The following AGTPBP1 variants were observed in gnomAD, a reference collection of about 807,000 sequenced individuals.
AGTPBP1 encodes the protein cytosolic carboxypeptidase 1.
A neutral mutation model predicts 143.9 loss-of-function variants in AGTPBP1; 70 were observed. The observed-to-expected ratio is 0.49, with a 90% CI of 0.40 to 0.59. AGTPBP1 has a LOEUF of 0.59. Ranked by LOEUF, AGTPBP1 falls within the 20% of genes least tolerant of loss-of-function variation. The pLI is 0.00. For missense variants in AGTPBP1, 1,229 were observed against 1,464.5 expected (o/e 0.84, Z 2.62); for synonymous variants, 463 against 500.2 (o/e 0.93, Z 0.99).
intron 7 of AGTPBP1, among the ~76,000 whole-genome samples, chr9:85,670,437 A>G (rs1834413484): frequency 6.6e-6 from 1 of 152,216 alleles, no homozygotes; most frequent in Non-Finnish European, 1.5e-5. Context: ...GTAACAGGTA[A>G]TGAGGACTTT....
intron 25 of AGTPBP1, among the ~76,000 whole-genome samples, chr9:85,552,795 T>C (rs1386274813): frequency 6.6e-6 from 1 of 152,224 alleles, no homozygotes; most frequent in Non-Finnish European, 1.5e-5. Context: ...AACCCTCCTT[T>C]AACTCTGAAC....
the AGTPBP1 span, among the ~76,000 whole-genome samples, chr9:85,773,443 C>T: frequency 6.8e-6 from 1 of 147,662 alleles, no homozygotes; most frequent in Non-Finnish European, 1.5e-5. Flanking sequence ...AAGCCATTCG[C>T]CTGCTTCAGC....
At chr9:85,582,183 G>A (rs1828309293) in intron 23 of AGTPBP1, among the ~76,000 whole-genome samples, 3 of 152,118 alleles carry the variant, frequency 2.0e-5, no homozygotes, top group Admixed American at 2.0e-4. Context: ...AAAAAAATTA[G>A]AATTGATGCA....
At chr9:85,803,009 T>C in the AGTPBP1 span, among the ~76,000 whole-genome samples, 1 of 152,250 alleles carries the variant, frequency 6.6e-6, no homozygotes, top group East Asian at 1.9e-4. Flanking sequence ...GACTAAATTA[T>C]GATGGACAAT....
intron 23 of AGTPBP1, among the ~76,000 whole-genome samples, chr9:85,579,561 T>C (rs1428223713): frequency 6.8e-6 from 1 of 148,134 alleles, no homozygotes; most frequent in Non-Finnish European, 1.5e-5. Flanking sequence ...AGCATAAATA[T>C]AGAAGTATAC....
At chr9:85,629,248 T>A (rs1465997513) in intron 14 of AGTPBP1, among the ~76,000 whole-genome samples, 1 of 152,216 alleles carries the variant, frequency 6.6e-6, no homozygotes, top group East Asian at 1.9e-4. Flanking sequence ...GAATGTCAAT[T>A]ACTTCAGGAA....
At chr9:85,696,540 C>T (rs1047954155) in intron 2 of AGTPBP1, among the ~76,000 whole-genome samples, 1 of 151,740 alleles carries the variant, frequency 6.6e-6, no homozygotes, top group South Asian at 2.1e-4. Flanking sequence ...TAGTGGCGCA[C>T]ATCTGTAATC....
At chr9:85,596,319 C>T (rs1829297250) in intron 18 of AGTPBP1, 43 bp downstream of exon 18, 3 of 1,364,590 alleles carry the variant, frequency 2.2e-6, no homozygotes, top group African/African-American at 2.9e-5. Flanking sequence ...TTAATACTGC[C>T]TTCTGTAAGC....
chr9:85,550,076 G>A (rs1032794262), intron 25 of AGTPBP1, among the ~76,000 whole-genome samples: 3 of 152,104 alleles, frequency 2.0e-5, no homozygotes, highest in Admixed American at 6.6e-5. Context: ...CTATTGTGAT[G>A]GGCCCACCAG....
intron 25 of AGTPBP1, among the ~76,000 whole-genome samples, chr9:85,563,355 T>C (rs752680849): frequency 3.3e-5 from 5 of 152,066 alleles, no homozygotes; most frequent in East Asian, 1.9e-4. Flanking sequence ...AGGAAAGCTA[T>C]AGAGAAAGCT....
the AGTPBP1 span, chr9:85,781,299 G>T: frequency 9.1e-5 from 142 of 1,568,876 alleles, 1 homozygote; most frequent in African/African-American, 1.8e-3. Context: ...AAACCAGCCG[G>T]GATCATAAGA....
intron 1 of AGTPBP1, among the ~76,000 whole-genome samples, chr9:85,729,482 G>T (rs946034759): frequency 1.3e-5 from 2 of 152,060 alleles, no homozygotes; most frequent in Non-Finnish European, 2.9e-5. Context: ...TTTTGCATAG[G>T]ATCTAAAGTA....
chr9:85,623,554 G>A (rs1280951339), intron 14 of AGTPBP1, among the ~76,000 whole-genome samples: 4 of 152,034 alleles, frequency 2.6e-5, no homozygotes, highest in East Asian at 1.9e-4. Flanking sequence ...TCAGGAGTTC[G>A]AGACCAGCCT....
At chr9:85,636,042 G>A (rs1163376003) in intron 13 of AGTPBP1, among the ~76,000 whole-genome samples, 4 of 151,682 alleles carry the variant, frequency 2.6e-5, no homozygotes, top group Admixed American at 2.6e-4. Context: ...AACAGCTCCT[G>A]GAGTTTCCAC....
chr9:85,619,205 A>G lies in AGTPBP1; in HGVS notation c.2186+10T>C, dbSNP rs76790177. 6.2e-7 allele frequency: 1 copy of G among 1,610,810 alleles called. No individual in the cohort carries two copies. The highest frequency in any genetic ancestry group is 1.3e-5 in the African/African-American group (1 of 74,786). On this transcript the variant is annotated intron_variant, in intron 16 of 25. Transcript: ENST00000357081. ...GCACATACAAAATGAGAAAATCTTAAGTGACTTACTTTCTAATTTGAATTA... is the reference window on the plus strand; with the variant it reads ...GCACATACAAAATGAGAAAATCTTAGGTGACTTACTTTCTAATTTGAATTA...
At chr9:85,586,704 C>T in intron 22 of AGTPBP1, 127 bp downstream of exon 22, 1 of 1,158,200 alleles carries the variant, frequency 8.6e-7, no homozygotes. Context: ...AACATTCAAC[C>T]TTATAAAATT....
chr9:85,595,179 A>G (rs1212123743), intron 18 of AGTPBP1, among the ~76,000 whole-genome samples: 1 of 152,218 alleles, frequency 6.6e-6, no homozygotes, highest in Non-Finnish European at 1.5e-5. Context: ...GTTTCCCAGA[A>G]AGTAGGAGTA....
chr9:85,795,861 T>TC, the AGTPBP1 span, among the ~76,000 whole-genome samples: 2 of 139,282 alleles, frequency 1.4e-5, no homozygotes, highest in South Asian at 2.2e-4. Flanking sequence ...TCTTAGTTTT[T>TC]TTTTTTTTTT....
intron 3 of AGTPBP1, 36 bp downstream of exon 3, chr9:85,692,653 A>G (rs750561808): frequency 6.3e-7 from 1 of 1,594,240 alleles, no homozygotes; most frequent in South Asian, 1.1e-5. Context: ...AGAATTAAAA[A>G]AGCATTTCAA....
Sources: allele counts gnomAD v4.1 joint callset (sites outside exome capture counted in the v4.1 genomes callset), GRCh38; gene constraint gnomAD v4.1.1; transcripts MANE v1.5; gene names NCBI Gene and HGNC (gene_info 2026-07-23, HGNC 2026-07-21).